DLC1: variants seen among roughly 807,000 people sequenced by gnomAD.
DLC1 encodes the protein DLC1 Rho GTPase activating protein, also known as rho GTPase-activating protein 7.
In DLC1, 54 loss-of-function variants were observed where a neutral mutation model predicts 140.3. The ratio of observed to expected loss-of-function variants is 0.38; its 90% CI spans 0.31 to 0.48. The LOEUF is 0.48. Among genes scored for constraint, DLC1 ranks in the 20% least tolerant of loss-of-function variants. The probability of loss-of-function intolerance (pLI) is 0.96; values close to 1 mark genes in which losing one functional copy is unlikely to be tolerated. For missense variants in DLC1, 2,536 were observed against 1,907.0 expected (o/e 1.33, Z -6.14); for synonymous variants, 986 against 728.1 (o/e 1.35, Z -5.70).
At chr8:13,143,185 G>T (rs369744802) in intron 5 of DLC1, among the ~76,000 whole-genome samples, 1 of 152,070 alleles carries the variant, frequency 6.6e-6, no homozygotes, top group African/African-American at 2.4e-5. Flanking sequence ...CAAAGCTACT[G>T]ATATTAAGAA....
chr8:13,569,095 A>G (rs1804553545), intron 1 of DLC1, among the ~76,000 whole-genome samples: 1 of 152,208 alleles, frequency 6.6e-6, no homozygotes, highest in Non-Finnish European at 1.5e-5. Context: ...TTATTCCACA[A>G]GGAATACCAT....
At chr8:13,301,383 T>G (rs1832183707) in intron 5 of DLC1, among the ~76,000 whole-genome samples, 2 of 152,216 alleles carry the variant, frequency 1.3e-5, no homozygotes. Context: ...GGAAGCATTT[T>G]AGGACTTGTG....
chr8:13,445,094 T>G (rs1798715316), intron 2 of DLC1, among the ~76,000 whole-genome samples: 8 of 143,118 alleles, frequency 5.6e-5, no homozygotes, highest in East Asian at 4.2e-4. Flanking sequence ...GGGAAGAGAG[T>G]GAGAAAGAGA....
intron 2 of DLC1, among the ~76,000 whole-genome samples, chr8:13,473,216 A>T (rs899456796): frequency 2.0e-5 from 3 of 152,136 alleles, no homozygotes; most frequent in African/African-American, 7.2e-5. Flanking sequence ...GTCCTTCTTT[A>T]GTGGCTGATA....
chr8:13,437,099 A>G (rs527403781), intron 2 of DLC1, among the ~76,000 whole-genome samples: 3 of 152,272 alleles, frequency 2.0e-5, no homozygotes, highest in East Asian at 3.9e-4. Context: ...TCTCCTCAAT[A>G]TTTACGTAGT....
intron 5 of DLC1, among the ~76,000 whole-genome samples, chr8:13,161,597 A>G (rs1434916302): frequency 6.6e-6 from 1 of 152,130 alleles, no homozygotes; most frequent in Non-Finnish European, 1.5e-5. Context: ...TTAGCCTCCC[A>G]AAGTCTTGGG....
intron 5 of DLC1, among the ~76,000 whole-genome samples, chr8:13,273,625 G>C (rs971603409): frequency 6.6e-6 from 1 of 150,380 alleles, no homozygotes; most frequent in African/African-American, 2.4e-5. Flanking sequence ...GGGAGTTTAA[G>C]ACAAGGAGAT....
At chr8:13,455,876 G>A (rs536583920) in intron 2 of DLC1, among the ~76,000 whole-genome samples, 11 of 152,072 alleles carry the variant, frequency 7.2e-5, no homozygotes, top group South Asian at 2.1e-4. Flanking sequence ...AAGACCCTAC[G>A]TCTCAAAAAA....
At chr8:13,103,839 C>CAAAAAAAA (rs1002564334) in intron 7 of DLC1, among the ~76,000 whole-genome samples, 10 of 60,684 alleles carry the variant, frequency 1.6e-4, no homozygotes, top group East Asian at 5.1e-4. Flanking sequence ...GACTCCATCT[C>CAAAAAAAA]AAAAAAAAAA....
intron 1 of DLC1, among the ~76,000 whole-genome samples, chr8:13,579,356 T>TA (rs1804978533): frequency 3.3e-5 from 1 of 30,396 alleles, no homozygotes; most frequent in African/African-American, 1.6e-4. Flanking sequence ...TATATATATA[T>TA]ATATATTTTT....
chr8:13,183,963 T>C (rs1042158315), intron 5 of DLC1, among the ~76,000 whole-genome samples: 2 of 152,206 alleles, frequency 1.3e-5, no homozygotes, highest in African/African-American at 4.8e-5. Flanking sequence ...TTTTGGAAAG[T>C]AGGCTATTAA....
Position 13,296,414 on chromosome 8 carries a change from A to G in DLC1, c.1348+8855T>C, listed in dbSNP as rs1402013582. On this transcript the variant is annotated intron_variant, in intron 5 of 17. Transcript: ENST00000276297. ...TGGCATTGCAAGCACTGAAATGCAA[A>G]GCTGTCTTATTGGCCCATACTGGCA... 3.9e-5 allele frequency among the ~76,000 whole-genome samples: 6 copies of G among 152,326 alleles called. No homozygotes were observed. In the East Asian group the frequency reaches 1.2e-3, roughly 29 times the overall value.
chr8:13,099,717 T>G lies in DLC1; in HGVS notation c.2620A>C (p.Ser874Arg). The change falls in exon 9 of 18, where the codon AGC (serine) becomes CGC (arginine). Residue 874 changes from serine (S) to arginine (R), a missense_variant. Coordinates refer to ENST00000276297, the MANE Select transcript of DLC1 (RefSeq NM_182643.3). ...ACGTTGTCGTAGATGCTCAGGCGGCTGCTCATGGAGCTGGAAGAATTGCGT... is the reference window on the plus strand; with the variant it reads ...ACGTTGTCGTAGATGCTCAGGCGGCGGCTCATGGAGCTGGAAGAATTGCGT... ...KRRNSSSSMS[S>R]RLSIYDNVPG... 6.2e-7 allele frequency: 1 copy of G among 1,614,182 alleles called. No homozygotes were observed. The highest frequency in any genetic ancestry group is 8.5e-7 in the Non-Finnish European group (1 of 1,180,014).
intron 1 of DLC1, among the ~76,000 whole-genome samples, chr8:13,578,645 C>T (rs1426524357): frequency 6.6e-6 from 1 of 152,152 alleles, no homozygotes; most frequent in African/African-American, 2.4e-5. Flanking sequence ...TTTGTTAGAG[C>T]AGCTCACAGA....
intron 1 of DLC1, among the ~76,000 whole-genome samples, chr8:13,521,053 A>G (rs1265394399): frequency 1.3e-5 from 2 of 152,176 alleles, no homozygotes; most frequent in African/African-American, 4.8e-5. Context: ...CATATACACC[A>G]TGGAATACTT....
chr8:13,454,636 A>T (rs963220577), intron 2 of DLC1, among the ~76,000 whole-genome samples: 2 of 152,142 alleles, frequency 1.3e-5, no homozygotes, highest in African/African-American at 4.8e-5. Flanking sequence ...GCTTACTGCA[A>T]CGTCGACCTC....
intron 2 of DLC1, among the ~76,000 whole-genome samples, chr8:13,439,016 A>G (rs1225573133): frequency 6.6e-6 from 1 of 152,180 alleles, no homozygotes; most frequent in Admixed American, 6.5e-5. Flanking sequence ...CTGTATTCCA[A>G]TAAATCTTTA....
At chr8:13,450,630 A>T (rs1489830629) in intron 2 of DLC1, among the ~76,000 whole-genome samples, 1 of 152,166 alleles carries the variant, frequency 6.6e-6, no homozygotes, top group African/African-American at 2.4e-5. Context: ...GTTAGAATAT[A>T]ACTTAATGAT....
intron 1 of DLC1, among the ~76,000 whole-genome samples, chr8:13,549,849 A>G (rs954003893): frequency 2.6e-5 from 4 of 152,138 alleles, no homozygotes; most frequent in East Asian, 1.9e-4. Context: ...GTCTAGCAAC[A>G]TGTTACCCTT....
Sources: allele counts gnomAD v4.1 joint callset (sites outside exome capture counted in the v4.1 genomes callset), GRCh38; gene constraint gnomAD v4.1.1; transcripts MANE v1.5; gene names NCBI Gene and HGNC (gene_info 2026-07-23, HGNC 2026-07-21).